The following FSD1L variants were observed in gnomAD, a reference collection of about 807,000 sequenced individuals.
FSD1L encodes the protein FSD1-like protein.
In FSD1L, 45 loss-of-function variants were observed where a neutral mutation model predicts 71.6. The ratio of observed to expected loss-of-function variants is 0.63; its 90% confidence interval spans 0.49 to 0.81. FSD1L has a LOEUF of 0.81. FSD1L is among the 30% of genes least tolerant of loss of function. The pLI is 0.00. For missense variants in FSD1L, 561 were observed against 618.1 expected (o/e 0.91, Z 0.98); for synonymous variants, 197 against 207.2 (o/e 0.95, Z 0.42).
At chr9:105,486,513 A>G (rs1486077720) in intron 7 of FSD1L, among the ~76,000 whole-genome samples, 1 of 152,150 alleles carries the variant, frequency 6.6e-6, no homozygotes, top group East Asian at 1.9e-4. Context: ...ACTGGGGAAT[A>G]TATCTCCAAA....
At chr9:105,473,849 C>A (rs1176091043) in intron 5 of FSD1L, among the ~76,000 whole-genome samples, 1 of 152,140 alleles carries the variant, frequency 6.6e-6, no homozygotes, top group Non-Finnish European at 1.5e-5. Context: ...GTCCTTTATT[C>A]TTTCCAGCTT....
At chr9:105,525,582 C>T in intron 10 of FSD1L, 1 of 1,612,938 alleles carries the variant, frequency 6.2e-7, no homozygotes, top group East Asian at 2.2e-5. Context: ...ATTCCTGGGA[C>T]AAACGGAGGA....
upstream of FSD1L, among the ~76,000 whole-genome samples, chr9:105,447,324 C>CAAAAAAAAAAAAAAAAAAAAAAAAAAA: frequency 1.6e-5 from 1 of 61,556 alleles, no homozygotes; most frequent in Non-Finnish European, 2.7e-5. Flanking sequence ...ACTCCATCTC[C>CAAAAAAAAAAAAAAAAAAAAAAAAAAA]AAAAAAAAAA....
chr9:105,476,778 A>G (rs953612794), intron 5 of FSD1L, among the ~76,000 whole-genome samples: 4 of 152,202 alleles, frequency 2.6e-5, no homozygotes, highest in Admixed American at 2.0e-4. Flanking sequence ...TCTAGAAAAA[A>G]AAATTATTTT....
rs75210011 is a variant in FSD1L, at chr9:105,546,085, A to G, written c.1468-273A>G. ...AATACCTTTTGCCTAGATTAAGCCA[A>G]TGAAGTTTCTCAATTTCTGCACCCC... On this transcript the variant is annotated intron_variant, in intron 13 of 13. Coordinates refer to ENST00000481272, the MANE Select transcript of FSD1L (RefSeq NM_001145313.3). Among the ~76,000 whole-genome samples the G allele has an allele frequency of 9.0e-3, 1,373 of 152,096 alleles. 22 individuals are homozygous for G. The highest frequency in any genetic ancestry group is 0.032 in the African/African-American group (1,316 of 41,516).
At chr9:105,510,859 A>AGG (rs1834351178) in intron 9 of FSD1L, among the ~76,000 whole-genome samples, 1 of 152,168 alleles carries the variant, frequency 6.6e-6, no homozygotes, top group African/African-American at 2.4e-5. Context: ...CACAAGTTAA[A>AGG]CATATGAAAC....
At chr9:105,529,274 T>C (rs1835735563) in intron 10 of FSD1L, among the ~76,000 whole-genome samples, 1 of 152,232 alleles carries the variant, frequency 6.6e-6, no homozygotes, top group African/African-American at 2.4e-5. Context: ...CATTACTGGG[T>C]ATATACCCAA....
At chr9:105,454,687 A>C (rs983392704) in intron 1 of FSD1L, among the ~76,000 whole-genome samples, 1 of 152,170 alleles carries the variant, frequency 6.6e-6, no homozygotes, top group African/African-American at 2.4e-5. Flanking sequence ...CACATGGTTA[A>C]GGCTTCTTTA....
intron 10 of FSD1L, chr9:105,523,801 T>C (rs1461376644): frequency 6.2e-7 from 1 of 1,601,024 alleles, no homozygotes; most frequent in Non-Finnish European, 8.5e-7. Flanking sequence ...TTACTTCATA[T>C]TGACCAGGAT....
chr9:105,452,669 G>GCCTGCCTGCCTTCCTGCCTTCCTTCCTT (rs1191519308), intron 1 of FSD1L, among the ~76,000 whole-genome samples: 2 of 96,172 alleles, frequency 2.1e-5, no homozygotes, highest in African/African-American at 8.5e-5. Flanking sequence ...CTGCCTGCCT[G>GCCTGCCTGCCTTCCTGCCTTCCTTCCTT]CCTTCCTTCC....
chr9:105,526,261 G>A (rs1382888691), intron 10 of FSD1L: 1 of 1,602,398 alleles, frequency 6.2e-7, no homozygotes, highest in Non-Finnish European at 8.5e-7. Flanking sequence ...GCAAACAATT[G>A]TCCAGCACCA....
chr9:105,449,119 G>A (rs1370344543), intron 1 of FSD1L, among the ~76,000 whole-genome samples: 1 of 152,168 alleles, frequency 6.6e-6, no homozygotes, highest in Non-Finnish European at 1.5e-5. Flanking sequence ...GGAAAACAAA[G>A]ACATATCTAA....
intron 13 of FSD1L, among the ~76,000 whole-genome samples, chr9:105,545,101 A>G (rs897754331): frequency 2.6e-5 from 4 of 151,752 alleles, no homozygotes; most frequent in African/African-American, 7.3e-5. Flanking sequence ...CTTTTATTTC[A>G]TTGAGCAGTG....
At chr9:105,532,360 A>G (rs1045751807) in intron 10 of FSD1L, among the ~76,000 whole-genome samples, 11 of 152,184 alleles carry the variant, frequency 7.2e-5, no homozygotes, top group African/African-American at 2.4e-4. Context: ...TCAGTTGACA[A>G]TGTTTGCAGT....
At chr9:105,443,036 T>G (rs761129429), upstream of FSD1L, among the ~76,000 whole-genome samples, 29 of 152,356 alleles carry the variant, frequency 1.9e-4, no homozygotes, top group South Asian at 4.1e-4. Context: ...TCACAGTTGC[T>G]TTAGTTGTGT....
chr9:105,470,263 A>G (rs371265556), intron 4 of FSD1L, among the ~76,000 whole-genome samples: 1 of 152,100 alleles, frequency 6.6e-6, no homozygotes, highest in Admixed American at 6.6e-5. Flanking sequence ...CATGAATTTT[A>G]TATATATTTT....
At chr9:105,448,525 C>A (rs1009968202) in intron 1 of FSD1L, among the ~76,000 whole-genome samples, 1 of 152,256 alleles carries the variant, frequency 6.6e-6, no homozygotes. Flanking sequence ...AAATCAGCCA[C>A]TCTGCAGCGC....
chr9:105,524,608 G>C (rs1589077367), intron 10 of FSD1L: 2 of 1,613,934 alleles, frequency 1.2e-6, no homozygotes, highest in East Asian at 4.5e-5. Context: ...TTTCCCATGA[G>C]CCTCTCTGAT....
intron 13 of FSD1L, among the ~76,000 whole-genome samples, chr9:105,543,698 C>T (rs1328302821): frequency 6.6e-6 from 1 of 151,952 alleles, no homozygotes; most frequent in Admixed American, 6.6e-5. Context: ...GTTTTTGTCC[C>T]TGCGATAGTT....
Sources: allele counts gnomAD v4.1 joint callset (sites outside exome capture counted in the v4.1 genomes callset), GRCh38; gene constraint gnomAD v4.1.1; transcripts MANE v1.5; gene names NCBI Gene and HGNC (gene_info 2026-07-23, HGNC 2026-07-21).